The following GMDS variants were observed in gnomAD, a reference collection of about 807,000 sequenced individuals.
The protein encoded by GMDS is GDP-mannose 4,6 dehydratase.
GMDS carries 20 observed loss-of-function variants against 49.9 expected under a neutral mutation model. That is an observed-to-expected ratio of 0.40 (90% CI 0.28 to 0.58). The LOEUF is 0.58. Ranked by LOEUF, GMDS falls within the 20% of genes least tolerant of loss-of-function variation. The pLI is 0.42. For synonymous variants in GMDS, 177 were observed against 178.6 expected (o/e 0.99, Z 0.07); for missense variants, 362 against 481.4 (o/e 0.75, Z 2.32).
intron 7 of GMDS, among the ~76,000 whole-genome samples, chr6:1,878,208 G>C (rs1561861038): frequency 6.6e-6 from 1 of 151,442 alleles, no homozygotes; most frequent in South Asian, 2.1e-4. Flanking sequence ...CCAGCTACTT[G>C]GGAGGCTGAG....
At chr6:1,779,798 A>G (rs1293614582) in intron 7 of GMDS, among the ~76,000 whole-genome samples, 1 of 152,244 alleles carries the variant, frequency 6.6e-6, no homozygotes, top group Non-Finnish European at 1.5e-5. Flanking sequence ...CACAGACGTA[A>G]CTGAGCGAAG....
At chr6:1,774,310 G>T (rs139987271) in intron 7 of GMDS, among the ~76,000 whole-genome samples, 1 of 152,196 alleles carries the variant, frequency 6.6e-6, no homozygotes, top group Non-Finnish European at 1.5e-5. Context: ...AACCACCCCC[G>T]CTGCGGAAAT....
chr6:1,925,969 C>T (rs1761983328), intron 7 of GMDS, among the ~76,000 whole-genome samples: 1 of 152,200 alleles, frequency 6.6e-6, no homozygotes, highest in Non-Finnish European at 1.5e-5. Flanking sequence ...CCAACAGGCA[C>T]CAGCACACCG....
intron 7 of GMDS, among the ~76,000 whole-genome samples, chr6:1,817,189 T>C (rs2113694187): frequency 6.6e-6 from 1 of 151,874 alleles, no homozygotes; most frequent in South Asian, 2.1e-4. Flanking sequence ...GCCTTCCTGT[T>C]CTAATACAAA....
rs1269616583 is a variant in GMDS, at chr6:2,000,912, G to A, written c.346-39946C>T. 4.6e-5 allele frequency among the ~76,000 whole-genome samples: 7 copies of A among 152,090 alleles called. No homozygotes were observed. In the South Asian group the frequency reaches 6.2e-4, roughly 14 times the overall value. On this transcript the variant is annotated intron_variant, in intron 4 of 10. Coordinates refer to ENST00000380815, the MANE Select transcript of GMDS (RefSeq NM_001500.4). ...TCCATTAACCAGCCGATGGACATTC[G>A]GATTGTTTCTATATTTTAGCTGCTA...
intron 7 of GMDS, among the ~76,000 whole-genome samples, chr6:1,824,934 T>A (rs1771044940): frequency 6.6e-6 from 1 of 152,206 alleles, no homozygotes; most frequent in Non-Finnish European, 1.5e-5. Flanking sequence ...GGGCATGCAC[T>A]ATCATATTTA....
intron 1 of GMDS, among the ~76,000 whole-genome samples, chr6:2,236,637 G>A (rs146903910): frequency 1.3e-5 from 2 of 152,248 alleles, no homozygotes; most frequent in African/African-American, 2.4e-5. Flanking sequence ...AAGAACCGAT[G>A]TAAAAATATA....
chr6:1,667,830 C>T (rs1035951438), intron 9 of GMDS, among the ~76,000 whole-genome samples: 7 of 149,604 alleles, frequency 4.7e-5, no homozygotes, highest in African/African-American at 1.5e-4. Flanking sequence ...AAAAAATGTG[C>T]CCCACTTATC....
At chr6:2,245,250 A>C (rs1444517100) in intron 1 of GMDS, 71 bp downstream of exon 1, 10 of 1,052,314 alleles carry the variant, frequency 9.5e-6, no homozygotes, top group Non-Finnish European at 1.4e-5. Context: ...GCAGCCCACG[A>C]GTAGCGGCGC....
intron 9 of GMDS, among the ~76,000 whole-genome samples, chr6:1,634,263 G>A (rs1763078571): frequency 6.6e-6 from 1 of 152,194 alleles, no homozygotes. Context: ...GCACCTGCTA[G>A]GGTGTGCTGT....
chr6:1,942,304 T>C (rs3800143), intron 6 of GMDS, among the ~76,000 whole-genome samples: 47,043 of 151,984 alleles, frequency 0.31, 7,544 homozygotes, highest in Admixed American at 0.36. Flanking sequence ...TCCTAAATAA[T>C]TCCCCATCCC....
intron 1 of GMDS, among the ~76,000 whole-genome samples, chr6:2,162,034 A>G (rs1258060113): frequency 1.8e-4 from 27 of 152,236 alleles, no homozygotes; most frequent in Admixed American, 1.8e-3. Flanking sequence ...ACCAAGAAAA[A>G]TAATATTCTG....
intron 7 of GMDS, among the ~76,000 whole-genome samples, chr6:1,812,598 G>T (rs79500768): frequency 6.6e-6 from 1 of 152,006 alleles, no homozygotes; most frequent in Non-Finnish European, 1.5e-5. Flanking sequence ...CAAAAGGAAG[G>T]GAGCAGGTCA....
rs781025969 is a variant in GMDS at position 1,959,904 on chromosome 6, C to T, written c.606G>A (p.Val202=). The T allele has an allele frequency of 1.6e-5, 25 of 1,610,138 alleles. No homozygotes were observed. In the South Asian group the frequency reaches 2.5e-4, roughly 16 times the overall value. The part of the protein sequence containing the change: ...NFREAYNLFA[V]NGILFNHESP... ...TCTCATGATTGAAGAGAATGCCGTTCACTGCAAAGAGATTATACGCCTCAC... is the reference window on the plus strand; with the variant it reads ...TCTCATGATTGAAGAGAATGCCGTTTACTGCAAAGAGATTATACGCCTCAC... Residue 202 remains valine (V), a synonymous_variant, in exon 6 of 11, where the codon GTG becomes GTA. Coordinates refer to ENST00000380815, the MANE Select transcript of GMDS (RefSeq NM_001500.4).
At chr6:2,206,545 C>A (rs1779815869) in intron 1 of GMDS, among the ~76,000 whole-genome samples, 1 of 152,180 alleles carries the variant, frequency 6.6e-6, no homozygotes, top group Non-Finnish European at 1.5e-5. Context: ...TGGTTATTTT[C>A]ATCAACTTTG....
In GMDS at chr6:1,834,221, T is replaced by C. The variant is rs111289018; in HGVS notation, c.772-91635A>G. ...TCTATAAGGATTCATTAAATGTCCATTGAAGATTTAAAAATATTTAAATCT... is the reference window on the plus strand; with the variant it reads ...TCTATAAGGATTCATTAAATGTCCACTGAAGATTTAAAAATATTTAAATCT... On this transcript the variant is annotated intron_variant, in intron 7 of 10. Coordinates refer to ENST00000380815, the MANE Select transcript of GMDS (RefSeq NM_001500.4). Among the ~76,000 whole-genome samples, 454 of 152,320 alleles carry C rather than the reference T, an allele frequency of 3.0e-3. 1 individual carries two copies. The highest frequency in any genetic ancestry group is 4.7e-3 in the Non-Finnish European group (323 of 68,030).
chr6:1,624,271 A>G (rs768169322), intron 10 of GMDS, 40 bp from the exon 11 acceptor site: 4 of 1,581,184 alleles, frequency 2.5e-6, no homozygotes, highest in African/African-American at 1.3e-5. Context: ...AGCTTCTGCC[A>G]CTCTCTCCTG....
At chr6:1,894,572 A>T (rs1760055044) in intron 7 of GMDS, among the ~76,000 whole-genome samples, 1 of 152,172 alleles carries the variant, frequency 6.6e-6, no homozygotes, top group Non-Finnish European at 1.5e-5. Flanking sequence ...CGTTTATCTC[A>T]TTTTCACCTA....
At chr6:2,175,477 ACTC>A (rs1778233606) in intron 1 of GMDS, among the ~76,000 whole-genome samples, 1 of 152,182 alleles carries the variant, frequency 6.6e-6, no homozygotes, top group African/African-American at 2.4e-5. Context: ...CAGACCCACT[ACTC>A]TGCAGATATT....
Sources: allele counts gnomAD v4.1 joint callset (sites outside exome capture counted in the v4.1 genomes callset), GRCh38; gene constraint gnomAD v4.1.1; transcripts MANE v1.5; gene names NCBI Gene and HGNC (gene_info 2026-07-23, HGNC 2026-07-21).